Variants in MCPH1 observed in about 807,000 individuals in gnomAD.
The protein encoded by MCPH1 is microcephalin 1, also known as microcephalin.
In MCPH1, 104 loss-of-function variants were observed where a neutral mutation model predicts 84.5. The ratio of observed to expected loss-of-function variants is 1.23; its 90% CI spans 1.05 to 1.45. The LOEUF (loss-of-function observed/expected upper bound fraction) is 1.45, where lower values mean the gene tolerates loss of function less well. MCPH1 is among the 40% of genes most tolerant of loss of function. MCPH1 has a pLI of 0.00. For missense variants in MCPH1, 1,498 were observed against 1,005.7 expected (o/e 1.49, Z -6.62); for synonymous variants, 514 against 366.8 (o/e 1.40, Z -4.58).
intron 12 of MCPH1, among the ~76,000 whole-genome samples, chr8:6,617,963 G>A (rs557879900): frequency 1.8e-4 from 18 of 98,090 alleles, no homozygotes; most frequent in Non-Finnish European, 3.2e-4. Context: ...ATCTAGATGG[G>A]GTCTGCCTAT....
intron 9 of MCPH1, among the ~76,000 whole-genome samples, chr8:6,460,033 AT>A (rs58453720): frequency 0.011 from 1,718 of 152,222 alleles, 35 homozygotes; most frequent in African/African-American, 0.04. Context: ...GTTCATTGTG[AT>A]TGTTGTACCA....
Position 6,455,172 on chromosome 8 carries a change from G to A in MCPH1, c.1855G>A (p.Val619Ile). ...SVKNRPTRHDVLDDSCDGFKD... is the reference protein window; with the variant it reads ...SVKNRPTRHDILDDSCDGFKD... ...TAAAAATAGACCAACAAGGCATGAT[G>A]TTTTAGATGACTCATGTGACGGCTT... The change falls in exon 9 of 14, where the codon GTT (valine) becomes ATT (isoleucine). Residue 619 changes from valine (V) to isoleucine (I), a missense_variant. Val to Ile is a conservative substitution (Grantham distance 29, BLOSUM62 3). Coordinates refer to ENST00000344683, the MANE Select transcript of MCPH1 (RefSeq NM_024596.5). 2 of 1,614,040 alleles carry A rather than the reference G, an allele frequency of 1.2e-6. No homozygotes were observed. The highest frequency in any genetic ancestry group is 1.1e-5 in the South Asian group (1 of 91,082).
intron 13 of MCPH1, chr8:6,625,072 A>AC (rs760465131): frequency 1.5e-4 from 87 of 581,928 alleles, no homozygotes; most frequent in Non-Finnish European, 1.9e-4. Context: ...ATGAGGTTTC[A>AC]CCATGTTGGC....
At chr8:6,485,272 C>T (rs1167414908) in intron 11 of MCPH1, among the ~76,000 whole-genome samples, 1 of 151,952 alleles carries the variant, frequency 6.6e-6, no homozygotes, top group East Asian at 1.9e-4. Flanking sequence ...TTGCAGTGAG[C>T]CGAGATCACG....
rs1048377880 is a variant in MCPH1 at position 6,627,359 on chromosome 8, C to G, written c.2452+5668C>G. 5 of 911,674 alleles carry G rather than the reference C, an allele frequency of 5.5e-6. No individual in the cohort carries two copies. The African/African-American group carries it at 9.0e-5, about 16-fold the overall frequency. The allele number at this position is 911,674 out of a possible 1,614,324, so 56.5% of individuals were successfully genotyped here. The stretch of plus-strand genomic sequence containing the variant: ...AGTGAGGACGGGGACTGCCCCCTTC[C>G]AGCCCCTCTCCTCCAAGGACGGCCT... On this transcript the variant is annotated intron_variant, in intron 13 of 13. Transcript: ENST00000344683.
intron 3 of MCPH1, among the ~76,000 whole-genome samples, chr8:6,429,807 A>T (rs1801580186): frequency 6.6e-6 from 1 of 152,036 alleles, no homozygotes; most frequent in African/African-American, 2.4e-5. Flanking sequence ...TTATTGCAGT[A>T]TTCCCTGACT....
At chr8:6,630,811 T>G (rs1797106430) in intron 13 of MCPH1, among the ~76,000 whole-genome samples, 1 of 148,934 alleles carries the variant, frequency 6.7e-6, no homozygotes, top group Non-Finnish European at 1.5e-5. Context: ...AAAAAACAAT[T>G]ATATATCAAC....
chr8:6,578,682 G>A (rs1434941753), intron 12 of MCPH1, among the ~76,000 whole-genome samples: 3 of 152,158 alleles, frequency 2.0e-5, no homozygotes, highest in Non-Finnish European at 4.4e-5. Context: ...ATTTTGGATA[G>A]GTGTCAACAT....
intron 12 of MCPH1, among the ~76,000 whole-genome samples, chr8:6,558,385 C>G (rs1194615637): frequency 1.3e-5 from 2 of 152,118 alleles, no homozygotes; most frequent in Non-Finnish European, 2.9e-5. Flanking sequence ...TTAAATTACT[C>G]CCATGGCGGT....
Position 6,431,529 on chromosome 8 carries a change from A to G in MCPH1, c.264A>G (p.Glu88=). ...GGACAGCTGGAGCACACATTGATGA[A>G]TCATTGTTCCCTGCAGCTAATATGA... The part of the protein sequence containing the change: ...KCRTAGAHID[E]SLFPAANMNE... The change falls in exon 4 of 14, where the codon GAA becomes GAG. Residue 88 remains glutamate, a synonymous_variant. Coordinates refer to ENST00000344683, the MANE Select transcript of MCPH1 (RefSeq NM_024596.5). The G allele has an allele frequency of 1.2e-6, 2 of 1,613,784 alleles. No individual in the cohort carries two copies. Among genetic ancestry groups the G allele is most frequent in the Non-Finnish European group, 1.7e-6 (2 of 1,179,810 alleles).
intron 12 of MCPH1, among the ~76,000 whole-genome samples, chr8:6,579,303 T>C (rs1563151148): frequency 6.6e-6 from 1 of 152,190 alleles, no homozygotes; most frequent in East Asian, 1.9e-4. Context: ...CCGGTCCCCT[T>C]CTCCTCCATT....
chr8:6,614,827 C>T (rs947124911), intron 12 of MCPH1, among the ~76,000 whole-genome samples: 1 of 152,166 alleles, frequency 6.6e-6, no homozygotes, highest in Non-Finnish European at 1.5e-5. Flanking sequence ...TTACTGGATT[C>T]CTGGTGAGTT....
intron 12 of MCPH1, among the ~76,000 whole-genome samples, chr8:6,569,940 C>T (rs547887624): frequency 6.6e-6 from 1 of 152,326 alleles, no homozygotes; most frequent in South Asian, 2.1e-4. Context: ...GGACCTCGGG[C>T]ATCTGAGCCG....
intron 9 of MCPH1, among the ~76,000 whole-genome samples, chr8:6,462,727 A>C (rs1806418921): frequency 6.6e-6 from 1 of 152,206 alleles, no homozygotes; most frequent in Non-Finnish European, 1.5e-5. Flanking sequence ...TTGTGTATAA[A>C]ACAGGAATAA....
Position 6,463,501 on chromosome 8 carries a change from G to C in MCPH1, c.1935+8249G>C, listed in dbSNP as rs188332405. On this transcript the variant is annotated intron_variant, in intron 9 of 13. Transcript: ENST00000344683. The stretch of plus-strand genomic sequence containing the variant: ...TCTTTATTGCGGAGGCAGTAGATTG[G>C]GAATTACAGCTCATTTGGGTGTAGC... Among the ~76,000 whole-genome samples, 909 of 152,294 alleles carry C rather than the reference G, an allele frequency of 6.0e-3. 11 individuals are homozygous for C. The highest frequency in any genetic ancestry group is 0.021 in the African/African-American group (874 of 41,564).
At chr8:6,446,247 T>C (rs1804349242) in intron 8 of MCPH1, 5 of 970,954 alleles carry the variant, frequency 5.1e-6, no homozygotes, top group Admixed American at 6.2e-5. Flanking sequence ...TTCACAGTTA[T>C]AAGCACAAAT....
chr8:6,433,205 A>G (rs945826077), intron 4 of MCPH1, among the ~76,000 whole-genome samples: 3 of 152,176 alleles, frequency 2.0e-5, no homozygotes, highest in Admixed American at 6.5e-5. Context: ...AGTCACTGTC[A>G]GTTTTTGCTA....
In MCPH1 at chr8:6,483,941, T is replaced by G. The variant is rs568743337; in HGVS notation, c.2136+3065T>G. On this transcript the variant is annotated intron_variant, in intron 11 of 13. Transcript: ENST00000344683. ...CCTTACACGAGCCACAAAAATTACC[T>G]CCAAATGGATCATAGACAAAATTTA... Among the ~76,000 whole-genome samples the G allele has an allele frequency of 1.7e-3, 259 of 152,004 alleles. 3 individuals carry two copies. The highest frequency in any genetic ancestry group is 1.3e-3 in the Non-Finnish European group (90 of 67,970).
At chr8:6,611,564 C>T (rs930466713) in intron 12 of MCPH1, among the ~76,000 whole-genome samples, 2 of 152,240 alleles carry the variant, frequency 1.3e-5, no homozygotes, top group Non-Finnish European at 2.9e-5. Flanking sequence ...GGCATCACCT[C>T]CTGCACCAGG....
Sources: gnomAD v4.1 joint callset for allele counts (sites outside exome capture counted in the v4.1 genomes callset) on GRCh38, gnomAD v4.1.1 for gene constraint, MANE v1.5 for transcripts, NCBI Gene and HGNC (gene_info 2026-07-23, HGNC 2026-07-21) for gene names.